Variants in GDA observed in about 807,000 individuals in gnomAD.
GDA encodes the protein cytoplasmic PSD-95 interactor.
In GDA, 18 loss-of-function variants were observed where a neutral mutation model predicts 59.6. The observed-to-expected ratio is 0.30, with a 90% confidence interval of 0.21 to 0.45. The LOEUF is 0.45. Ranked by LOEUF, GDA falls within the 20% of genes least tolerant of loss-of-function variation. The pLI, the probability that GDA is intolerant of heterozygous loss-of-function variation, is 1.00. For missense variants in GDA, 427 were observed against 552.3 expected, an observed-to-expected ratio of 0.77 and a Z score of 2.27; for synonymous variants, 201 against 201.1, an observed-to-expected ratio of 1.00 and a Z score of 0.00.
chr9:72,164,280 G>A (rs2130875605), intron 1 of GDA, among the ~76,000 whole-genome samples: 1 of 152,276 alleles, frequency 6.6e-6, no homozygotes, highest in Middle Eastern at 3.4e-3. Context: ...ATCAGAGGAA[G>A]ACAACGGGAG....
At chr9:72,136,704 G>T (rs1048007470) in intron 1 of GDA, among the ~76,000 whole-genome samples, 2 of 152,108 alleles carry the variant, frequency 1.3e-5, no homozygotes, top group African/African-American at 4.8e-5. Context: ...GGCTGGGCAC[G>T]GTGGCTTATG....
chr9:72,257,739 TG>T (rs1371920331), downstream of GDA: 1 of 153,292 alleles, frequency 6.5e-6, no homozygotes, highest in Non-Finnish European at 1.4e-5. Context: ...CTGGGCAACA[TG>T]GCAAAACTCT....
rs534033684 is a variant in GDA, at chr9:72,168,625, TTA to T, written c.123+18944_123+18945del. Among the ~76,000 whole-genome samples the T allele has an allele frequency of 3.3e-5, 5 of 152,188 alleles. No individual in the cohort carries two copies. The South Asian group carries it at 1.0e-3, about 32-fold the overall frequency. On this transcript the variant is annotated intron_variant, in intron 1 of 13. Transcript: ENST00000358399. The stretch of plus-strand genomic sequence containing the variant: ...CCAGGCTGGTCTCAGTCTCCTGGCT[TTA>T]AGTGATCTGCCCACCTTGGCCTCCC...
In GDA at chr9:72,228,055, ATTGT is replaced by A. The variant is rs1458859058; in HGVS notation, c.920+19_920+22del. On this transcript the variant is annotated intron_variant, in intron 9 of 13. Transcript: ENST00000358399. ...TCTAATTTATCGTAAGTAGACAATG[ATTGT>A]TTGGTAGATTACGAATGATTGGGTT... The A allele has an allele frequency of 7.3e-7, 1 of 1,368,750 alleles. No homozygotes were observed. Among genetic ancestry groups the A allele is most frequent in the Non-Finnish European group, 1.0e-6 (1 of 959,040 alleles). The allele number at this position is 1,368,750 out of a possible 1,614,324, so 84.8% of individuals were successfully genotyped here.
intron 1 of GDA, among the ~76,000 whole-genome samples, chr9:72,165,925 G>A (rs555388916): frequency 2.6e-5 from 4 of 151,534 alleles, no homozygotes; most frequent in East Asian, 3.9e-4. Flanking sequence ...CAAAAAATGC[G>A]GCTTGTTCCT....
chr9:72,213,288 A>G (rs911680908), intron 4 of GDA, among the ~76,000 whole-genome samples: 3 of 152,046 alleles, frequency 2.0e-5, no homozygotes, highest in Non-Finnish European at 4.4e-5. Context: ...AAACAAACAA[A>G]CAAAAAAACC....
chr9:72,172,227 AATAT>A lies in GDA; in HGVS notation c.123+22559_123+22562del, dbSNP rs34271428. Among the ~76,000 whole-genome samples, 1,095 of 148,202 alleles carry A rather than the reference AATAT, an allele frequency of 7.4e-3. 17 individuals carry two copies. The highest frequency in any genetic ancestry group is 0.025 in the African/African-American group (1,015 of 40,642). ...GGGTTGTGTACAAAACATACAATCTAATATATATATATATATAATAGTATATCAT... is the reference window on the plus strand; with the variant it reads ...GGGTTGTGTACAAAACATACAATCTAATATATATATATAATAGTATATCAT... On this transcript the variant is annotated intron_variant, in intron 1 of 13. Coordinates refer to ENST00000358399, the MANE Select transcript of GDA (RefSeq NM_004293.5).
intron 4 of GDA, among the ~76,000 whole-genome samples, 185 bp downstream of exon 4, chr9:72,210,959 TTAGAAAA>T (rs1201034139): frequency 2.0e-5 from 3 of 152,300 alleles, no homozygotes; most frequent in Non-Finnish European, 4.4e-5. Flanking sequence ...TCTAAAGTAC[TTAGAAAA>T]TAGAAAACTG....
intron 1 of GDA, among the ~76,000 whole-genome samples, chr9:72,186,911 T>C (rs1305065215): frequency 6.6e-6 from 1 of 152,198 alleles, no homozygotes; most frequent in Non-Finnish European, 1.5e-5. Context: ...CACAGGGCCA[T>C]TGCACTTCCT....
intron 3 of GDA, among the ~76,000 whole-genome samples, chr9:72,206,962 C>T (rs1057494872): frequency 1.3e-5 from 2 of 151,366 alleles, no homozygotes; most frequent in Non-Finnish European, 2.9e-5. Flanking sequence ...GACTCTTGAA[C>T]AATGCCTTAG....
At position 72,241,256 on chromosome 9, in the gene GDA, C is replaced by T. The variant is rs773977306; in HGVS notation, c.1093C>T (p.Leu365Phe). ...TAAGGTAAATGAGAAAAGCCTCACC[C>T]TCAAAGAAGTCTTCAGACTAGCTAC... ...INKVNEKSLT[L>F]KEVFRLATLG... is the part of the protein sequence containing the mutation. Residue 365 changes from leucine (L) to phenylalanine (F), a missense_variant, in exon 11 of 14, where the codon CTC (leucine) becomes TTC (phenylalanine). By Grantham distance (22) the Leu-to-Phe change is conservative (BLOSUM62 0). Coordinates refer to ENST00000358399, the MANE Select transcript of GDA (RefSeq NM_004293.5). 6.2e-7 allele frequency: 1 copy of T among 1,607,592 alleles called. No individual in the cohort carries two copies. The highest frequency in any genetic ancestry group is 8.5e-7 in the Non-Finnish European group (1 of 1,175,188).
At chr9:72,125,951 C>G (rs1453800322) in intron 1 of GDA, among the ~76,000 whole-genome samples, 1 of 152,178 alleles carries the variant, frequency 6.6e-6, no homozygotes, top group East Asian at 1.9e-4. Flanking sequence ...GAGTCTCGCT[C>G]TGTTGCCCAG....
At chr9:72,146,680 C>T (rs540232841), upstream of GDA, among the ~76,000 whole-genome samples, 2 of 152,220 alleles carry the variant, frequency 1.3e-5, no homozygotes, top group Non-Finnish European at 1.5e-5. Context: ...TTGGTAGAGA[C>T]GGGGTTTCAC....
chr9:72,254,149 C>T (rs891876844), downstream of GDA, among the ~76,000 whole-genome samples: 1 of 151,984 alleles, frequency 6.6e-6, no homozygotes, highest in Non-Finnish European at 1.5e-5. Flanking sequence ...GAGATGTTCT[C>T]TGTCTTTGAT....
At chr9:72,134,869 G>T (rs950052207) in intron 1 of GDA, among the ~76,000 whole-genome samples, 13 of 152,202 alleles carry the variant, frequency 8.5e-5, no homozygotes, top group Non-Finnish European at 1.3e-4. Flanking sequence ...GGCAGTCCTG[G>T]AACTGTTAGT....
chr9:72,130,425 A>G (rs551144101), intron 1 of GDA, among the ~76,000 whole-genome samples: 37 of 152,330 alleles, frequency 2.4e-4, no homozygotes, highest in African/African-American at 8.7e-4. Context: ...GCTTACAAAA[A>G]AGTGACCATT....
chr9:72,200,964 A>G (rs1273106460), intron 2 of GDA, among the ~76,000 whole-genome samples: 1 of 152,200 alleles, frequency 6.6e-6, no homozygotes, highest in Non-Finnish European at 1.5e-5. Context: ...TTCAAGCTAC[A>G]TAAATTCCCT....
At chr9:72,141,705 G>T (rs572573164) in intron 1 of GDA, among the ~76,000 whole-genome samples, 2 of 152,082 alleles carry the variant, frequency 1.3e-5, no homozygotes, top group Non-Finnish European at 2.9e-5. Context: ...TGAGGTAAGC[G>T]TCTTTTCACT....
At chr9:72,231,972 G>A (rs1260772592) in intron 10 of GDA, among the ~76,000 whole-genome samples, 2 of 152,292 alleles carry the variant, frequency 1.3e-5, no homozygotes, top group East Asian at 3.9e-4. Flanking sequence ...CTAGGCTGAG[G>A]GATGTTCTAA....
Sources: allele counts gnomAD v4.1 joint callset (sites outside exome capture counted in the v4.1 genomes callset), GRCh38; gene constraint gnomAD v4.1.1; transcripts MANE v1.5; gene names NCBI Gene and HGNC (gene_info 2026-07-23, HGNC 2026-07-21).